Variants in GLRA1 observed in about 807,000 individuals in gnomAD.
The protein encoded by GLRA1 is glycine receptor subunit alpha-1.
In GLRA1, 37 loss-of-function variants were observed where a neutral mutation model predicts 48.3. The observed-to-expected ratio is 0.77, with a 90% confidence interval of 0.59 to 1.01. The LOEUF is 1.01. Ranked by LOEUF, GLRA1 falls within the 50% of genes least tolerant of loss-of-function variation. The pLI, the probability that GLRA1 is intolerant of heterozygous loss-of-function variation, is 0.00. For synonymous variants in GLRA1, 196 were observed against 210.7 expected (o/e 0.93, Z 0.60); for missense variants, 427 against 571.0 (o/e 0.75, Z 2.57).
intron 8 of GLRA1, among the ~76,000 whole-genome samples, chr5:151,828,235 G>A (rs1217319895): frequency 1.3e-5 from 2 of 152,276 alleles, no homozygotes; most frequent in South Asian, 4.1e-4. Context: ...TATGTTTGAA[G>A]AACTAAGAAA....
At chr5:151,868,540 C>T (rs930901128) in intron 3 of GLRA1, among the ~76,000 whole-genome samples, 2 of 152,142 alleles carry the variant, frequency 1.3e-5, no homozygotes. Context: ...GAACCCAGGA[C>T]GTTAATGTCA....
intron 7 of GLRA1, chr5:151,850,162 G>A: frequency 6.2e-7 from 1 of 1,603,614 alleles, no homozygotes; most frequent in Admixed American, 1.7e-5. Context: ...CCATATTACT[G>A]CAGTGTGGGA....
In GLRA1 at chr5:151,889,774, G is replaced by A. The variant is rs79831447; in HGVS notation, c.184+2537C>T. On this transcript the variant is annotated intron_variant, in intron 2 of 8. Coordinates refer to ENST00000274576, the MANE Select transcript of GLRA1 (RefSeq NM_000171.4). ...GGGAATCTGATTTGTGTCGGTGGAAGCAGGAAAGGCATCAAAGGGCTCAGG... is the reference window on the plus strand; with the variant it reads ...GGGAATCTGATTTGTGTCGGTGGAAACAGGAAAGGCATCAAAGGGCTCAGG... Among the ~76,000 whole-genome samples the A allele has an allele frequency of 8.7e-3, 1,332 of 152,232 alleles. 19 individuals carry two copies. The highest frequency in any genetic ancestry group is 0.031 in the African/African-American group (1,281 of 41,528).
chr5:151,897,457 T>G (rs1754251751), intron 1 of GLRA1, among the ~76,000 whole-genome samples: 1 of 148,506 alleles, frequency 6.7e-6, no homozygotes, highest in African/African-American at 2.6e-5. Flanking sequence ...ATGATGCAGT[T>G]TTTTTTTTTC....
chr5:151,861,161 A>G (rs552867789), intron 3 of GLRA1, among the ~76,000 whole-genome samples: 7 of 152,270 alleles, frequency 4.6e-5, no homozygotes, highest in Admixed American at 3.9e-4. Context: ...AGTCTTTGCT[A>G]TTGTGAATAA....
intron 1 of GLRA1, among the ~76,000 whole-genome samples, chr5:151,915,271 A>C (rs1754710913): frequency 6.6e-6 from 1 of 152,182 alleles, no homozygotes; most frequent in Non-Finnish European, 1.5e-5. Context: ...GAGATGGGGC[A>C]TCCTGAGGGA....
Position 151,901,023 on chromosome 5 carries a change from G to T in GLRA1, c.57-8585C>A, listed in dbSNP as rs992791867. ...ATATGATTTGACTGGAGTCCAAAGA[G>T]TCCTAAACTCTGGCTCTGATACTCT... On this transcript the variant is annotated intron_variant, in intron 1 of 8. Coordinates refer to ENST00000274576, the MANE Select transcript of GLRA1 (RefSeq NM_000171.4). 2.6e-5 allele frequency among the ~76,000 whole-genome samples: 4 copies of T among 152,180 alleles called. No homozygotes were observed. The East Asian group carries it at 7.7e-4, about 29-fold the overall frequency.
intron 1 of GLRA1, among the ~76,000 whole-genome samples, chr5:151,893,737 AT>A (rs1754158785): frequency 1.3e-5 from 2 of 151,868 alleles, no homozygotes; most frequent in Non-Finnish European, 2.9e-5. Flanking sequence ...TATGTGCCAC[AT>A]TTTCTTTATC....
intron 7 of GLRA1, chr5:151,849,792 G>A (rs1350811928): frequency 1.3e-5 from 11 of 877,870 alleles, no homozygotes; most frequent in Non-Finnish European, 1.6e-5. Context: ...GACCTCAGGT[G>A]ATCCAACTGC....
At chr5:151,897,887 G>C (rs138721247) in intron 1 of GLRA1, among the ~76,000 whole-genome samples, 1 of 152,128 alleles carries the variant, frequency 6.6e-6, no homozygotes. Context: ...CAAATAGATG[G>C]ATGTTTATGG....
chr5:151,843,628 AAGT>A (rs1752571026), intron 7 of GLRA1, among the ~76,000 whole-genome samples: 2 of 152,260 alleles, frequency 1.3e-5, no homozygotes, highest in South Asian at 4.1e-4. Context: ...AATCTTGAAA[AAGT>A]AGAACAAAAT....
At chr5:151,912,579 T>C (rs1165658335) in intron 1 of GLRA1, among the ~76,000 whole-genome samples, 1 of 152,170 alleles carries the variant, frequency 6.6e-6, no homozygotes, top group African/African-American at 2.4e-5. Context: ...CTGTGACTCA[T>C]TTCTTGGAGC....
At position 151,828,606 on chromosome 5, in the gene GLRA1, C is replaced by A. The variant is rs141883228; in HGVS notation, c.1059+315G>T. ...CAGAAAAAAGCCAGTGGACACCTCC[C>A]AATCTTTTAGGTTTATAGTTAGTTA... On this transcript the variant is annotated intron_variant, in intron 8 of 8. Transcript: ENST00000274576. 3.9e-4 allele frequency among the ~76,000 whole-genome samples: 59 copies of A among 152,310 alleles called. 1 individual carries two copies. In the East Asian group the frequency reaches 0.011, roughly 28 times the overall value.
At chr5:151,921,520 A>C (rs1173056135) in intron 1 of GLRA1, among the ~76,000 whole-genome samples, 4 of 152,232 alleles carry the variant, frequency 2.6e-5, no homozygotes, top group Non-Finnish European at 4.4e-5. Context: ...AGAATTATCC[A>C]GTTAAAAGTG....
At chr5:151,890,582 A>T (rs750166031) in intron 2 of GLRA1, among the ~76,000 whole-genome samples, 28 of 152,268 alleles carry the variant, frequency 1.8e-4, no homozygotes, top group South Asian at 4.1e-4. Context: ...TTCAGATAAA[A>T]CCTCAGACTT....
chr5:151,827,588 T>C (rs1763308746), intron 8 of GLRA1, among the ~76,000 whole-genome samples: 1 of 152,170 alleles, frequency 6.6e-6, no homozygotes, highest in Admixed American at 6.5e-5. Context: ...TAGCTCAAAG[T>C]CTCATACTAA....
intron 7 of GLRA1, among the ~76,000 whole-genome samples, chr5:151,834,274 T>C (rs907813698): frequency 6.6e-6 from 1 of 152,138 alleles, no homozygotes; most frequent in South Asian, 2.1e-4. Context: ...TAACAAACAG[T>C]CTCTCAGACC....
chr5:151,905,658 C>T (rs1035397802), intron 1 of GLRA1, among the ~76,000 whole-genome samples: 5 of 152,100 alleles, frequency 3.3e-5, no homozygotes, highest in Non-Finnish European at 7.4e-5. Context: ...TTCCAACCCC[C>T]CAGGACCAGC....
intron 1 of GLRA1, among the ~76,000 whole-genome samples, chr5:151,899,726 G>C (rs1261991988): frequency 3.3e-5 from 5 of 152,126 alleles, no homozygotes; most frequent in Non-Finnish European, 7.4e-5. Context: ...TGGCCAGGGA[G>C]TGCTTGACAT....
Sources: gnomAD v4.1 joint callset for allele counts (sites outside exome capture counted in the v4.1 genomes callset) on GRCh38, gnomAD v4.1.1 for gene constraint, MANE v1.5 for transcripts, NCBI Gene and HGNC (gene_info 2026-07-23, HGNC 2026-07-21) for gene names.